LRRC43: variants seen among roughly 807,000 people sequenced by gnomAD.
LRRC43 encodes the protein leucine-rich repeat-containing protein 43.
A neutral mutation model predicts 64.3 loss-of-function variants in LRRC43; 62 were observed. That is an observed-to-expected ratio of 0.96 (90% CI 0.79 to 1.19). The LOEUF (loss-of-function observed/expected upper bound fraction) is 1.19, where lower values mean the gene tolerates loss of function less well. Ranked by LOEUF, LRRC43 falls within the 50% of genes most tolerant of loss-of-function variation. The pLI, the probability that LRRC43 is intolerant of heterozygous loss-of-function variation, is 0.00. For synonymous variants in LRRC43, 422 were observed against 382.3 expected, an observed-to-expected ratio of 1.10 and a Z score of -1.21; for missense variants, 868 against 845.0, an observed-to-expected ratio of 1.03 and a Z score of -0.34.
chr12:122,194,353 C>CTTAAG (rs141188254), intron 7 of LRRC43, among the ~76,000 whole-genome samples: 7,515 of 151,564 alleles, frequency 0.05, 578 homozygotes, highest in African/African-American at 0.17. Flanking sequence ...GGACAGATCA[C>CTTAAG]CTCAGGAGGT....
chr12:122,174,317 T>C (rs1953518481), intron 1 of LRRC43: 3 of 929,630 alleles, frequency 3.2e-6, no homozygotes, highest in Non-Finnish European at 5.0e-6. Context: ...ACTCAGCTTT[T>C]CTCCAGAAAA....
chr12:122,193,760 A>G lies in LRRC43; in HGVS notation c.1349+756A>G, dbSNP rs529664303. Among the ~76,000 whole-genome samples, 8 of 152,306 alleles carry G rather than the reference A, an allele frequency of 5.3e-5. No homozygotes were observed. In the East Asian group the frequency reaches 1.5e-3, roughly 29 times the overall value. On this transcript the variant is annotated intron_variant, in intron 7 of 11. Coordinates refer to ENST00000339777, the MANE Select transcript of LRRC43 (RefSeq NM_001098519.2). ...GTTTTAGTAAAGATGGGGTTTCACC[A>G]TGTTGACCAGGCTGGTCTTGAGCTC...
chr12:122,178,552 T>C (rs1249717237), upstream of LRRC43, among the ~76,000 whole-genome samples: 3 of 151,510 alleles, frequency 2.0e-5, no homozygotes, highest in Middle Eastern at 3.5e-3. Context: ...TAGAAATGTT[T>C]AGGAGGAAAA....
intron 1 of LRRC43, among the ~76,000 whole-genome samples, chr12:122,177,441 G>T (rs923117716): frequency 6.6e-6 from 1 of 151,896 alleles, no homozygotes; most frequent in Admixed American, 6.6e-5. Context: ...TCCATGGCAT[G>T]CTAGACTTTG....
chr12:122,185,345 C>T (rs1953631306), intron 2 of LRRC43, among the ~76,000 whole-genome samples: 1 of 152,058 alleles, frequency 6.6e-6, no homozygotes, highest in South Asian at 2.1e-4. Context: ...TATGGTGGTG[C>T]ACGCCTGTAG....
At chr12:122,187,970 C>T in intron 4 of LRRC43, 130 bp downstream of exon 4, 1 of 907,942 alleles carries the variant, frequency 1.1e-6, no homozygotes, top group Non-Finnish European at 1.6e-6. Flanking sequence ...TAAATCCAGA[C>T]TTATGGTTTA....
At chr12:122,171,158 A>G (rs995348028) in intron 1 of LRRC43, among the ~76,000 whole-genome samples, 6 of 152,194 alleles carry the variant, frequency 3.9e-5, no homozygotes, top group Admixed American at 3.3e-4. Context: ...AGATTGCTGC[A>G]TGCCGCGCCT....
At chr12:122,197,092 T>C (rs989777762) in intron 7 of LRRC43, among the ~76,000 whole-genome samples, 8 of 152,154 alleles carry the variant, frequency 5.3e-5, no homozygotes, top group East Asian at 1.9e-4. Context: ...CAGTTCCTCA[T>C]TGGTCAAGTA....
chr12:122,181,498 G>T (rs1953580644), upstream of LRRC43, among the ~76,000 whole-genome samples: 1 of 148,272 alleles, frequency 6.7e-6, no homozygotes, highest in Non-Finnish European at 1.5e-5. Context: ...AGCCGAGATT[G>T]CACCACTGCA....
At chr12:122,189,876 C>T (rs1953694021) in intron 4 of LRRC43, among the ~76,000 whole-genome samples, 1 of 152,248 alleles carries the variant, frequency 6.6e-6, no homozygotes, top group Non-Finnish European at 1.5e-5. Context: ...AAGAGAGGAG[C>T]CCCGTGAAGG....
intron 7 of LRRC43, among the ~76,000 whole-genome samples, chr12:122,195,740 C>T (rs1216436584): frequency 1.3e-5 from 2 of 152,146 alleles, no homozygotes; most frequent in African/African-American, 4.8e-5. Context: ...TTTATCCTGC[C>T]TGGAGTTTGC....
chr12:122,191,213 C>T (rs375661144), intron 5 of LRRC43, among the ~76,000 whole-genome samples, 167 bp from the exon 6 acceptor site: 14 of 152,314 alleles, frequency 9.2e-5, no homozygotes, highest in African/African-American at 3.4e-4. Context: ...ACCTGGATCA[C>T]TCCAGGCCAG....
At chr12:122,189,336 GGCGGAC>G in intron 4 of LRRC43, 2 of 443,048 alleles carry the variant, frequency 4.5e-6, no homozygotes, top group Non-Finnish European at 9.1e-6. Flanking sequence ...GCCTGGAGCG[GGCGGAC>G]GCAGCAGGGA....
chr12:122,179,969 CAAAA>C (rs59930172), upstream of LRRC43, among the ~76,000 whole-genome samples: 8 of 46,650 alleles, frequency 1.7e-4, no homozygotes, highest in Admixed American at 2.1e-4. Flanking sequence ...GACTCCGTCT[CAAAA>C]AAAAAAAAAA....
chr12:122,172,651 G>T lies in LRRC43; in HGVS notation c.-406+4869G>T, dbSNP rs146057190. 2.6e-3 allele frequency: 4,149 copies of T among 1,614,134 alleles called. 29 individuals carry two copies. The highest frequency in any genetic ancestry group is 1.7e-3 in the Non-Finnish European group (1,963 of 1,180,034). On this transcript the variant is annotated intron_variant, in intron 1 of 5. Transcript: ENST00000537729. ...GTCTTGAGATATGCCCGGATGGCTG[G>T]GCTGTGGATGTTGTTTGGCGGCTGG...
At chr12:122,185,059 G>A (rs1239652010) in intron 2 of LRRC43, among the ~76,000 whole-genome samples, 1 of 152,196 alleles carries the variant, frequency 6.6e-6, no homozygotes, top group African/African-American at 2.4e-5. Context: ...CCTAGTAAAG[G>A]TTTTTTGAAG....
chr12:122,191,661 A>T (rs78128618), intron 6 of LRRC43, 94 bp downstream of exon 6: 25,087 of 992,296 alleles, frequency 0.025, 1,281 homozygotes, highest in African/African-American at 0.18. Flanking sequence ...TTAATTAATT[A>T]ATTTATTTAT....
At position 122,201,332 on chromosome 12, in the gene LRRC43, G is replaced by C. The variant is rs192188923; in HGVS notation, c.1843+3G>C. 6.2e-7 allele frequency: 1 copy of C among 1,614,048 alleles called. No homozygotes were observed. Among genetic ancestry groups the C allele is most frequent in the Admixed American group, 1.7e-5 (1 of 60,018 alleles). On this transcript the variant is annotated splice_donor_region_variant and intron_variant, in intron 11 of 11. Transcript: ENST00000339777. ...GATTAAGAAAGTTGCCAAAAAAGGT[G>C]AGTGCCGATGGTGGTGACCAAAGGC...
chr12:122,202,227 T>A (rs997143575), intron 11 of LRRC43: 1 of 152,124 alleles, frequency 6.6e-6, no homozygotes, highest in South Asian at 2.1e-4. Flanking sequence ...TTAATCTCTT[T>A]AATGTTTGGC....
Sources: gnomAD v4.1 joint callset for allele counts (sites outside exome capture counted in the v4.1 genomes callset) on GRCh38, gnomAD v4.1.1 for gene constraint, MANE v1.5 for transcripts, NCBI Gene and HGNC (gene_info 2026-07-23, HGNC 2026-07-21) for gene names.